Variants in ATG10 observed in about 807,000 individuals in gnomAD.
ATG10 encodes autophagy related 10, also known as ubiquitin-like-conjugating enzyme ATG10.
Under a neutral mutation model 32.1 loss-of-function variants are expected in ATG10, and 30 were observed. That is an observed-to-expected ratio of 0.94 (90% confidence interval 0.70 to 1.27). The LOEUF (loss-of-function observed/expected upper bound fraction) is 1.27. Among genes scored for constraint, ATG10 ranks in the 50% most tolerant of loss-of-function variants. ATG10 has a pLI of 0.00. For synonymous variants in ATG10, 87 were observed against 91.5 expected (o/e 0.95, Z 0.28); for missense variants, 233 against 262.3 (o/e 0.89, Z 0.77).
At chr5:82,151,996 C>G (rs1220145172) in intron 3 of ATG10, among the ~76,000 whole-genome samples, 2 of 152,124 alleles carry the variant, frequency 1.3e-5, no homozygotes, top group East Asian at 3.8e-4. Flanking sequence ...AGACCTGAAC[C>G]CAGATGTTTG....
At chr5:82,072,006 GAAGT>G (rs1764146205) in intron 3 of ATG10, among the ~76,000 whole-genome samples, 1 of 152,150 alleles carries the variant, frequency 6.6e-6, no homozygotes, top group African/African-American at 2.4e-5. Context: ...AAGTTAGGCA[GAAGT>G]AAGACTGCAG....
chr5:82,205,770 C>T (rs1745264110), intron 5 of ATG10, among the ~76,000 whole-genome samples: 1 of 152,112 alleles, frequency 6.6e-6, no homozygotes, highest in African/African-American at 2.4e-5. Context: ...GGAAGCTACG[C>T]TTGAGATAGG....
chr5:82,212,491 TACAA>T (rs1745531789), intron 5 of ATG10, among the ~76,000 whole-genome samples: 1 of 152,296 alleles, frequency 6.6e-6, no homozygotes, highest in African/African-American at 2.4e-5. Flanking sequence ...CACAGACAAG[TACAA>T]ACAAGTATCT....
chr5:82,247,402 T>C (rs112326920), intron 5 of ATG10, among the ~76,000 whole-genome samples: 4 of 152,330 alleles, frequency 2.6e-5, no homozygotes, highest in African/African-American at 9.6e-5. Flanking sequence ...TCTACTGCTG[T>C]CTCATATTTA....
chr5:82,150,546 T>A (rs1767552137), intron 3 of ATG10, among the ~76,000 whole-genome samples: 1 of 152,218 alleles, frequency 6.6e-6, no homozygotes, highest in Admixed American at 6.5e-5. Context: ...AGTAGTCCAA[T>A]GCCCAGGCTT....
chr5:82,138,472 T>C (rs1766864039), intron 3 of ATG10, among the ~76,000 whole-genome samples: 2 of 152,190 alleles, frequency 1.3e-5, no homozygotes, highest in South Asian at 4.1e-4. Flanking sequence ...TTTCCTTGGC[T>C]AGGGGAGTGA....
intron 3 of ATG10, among the ~76,000 whole-genome samples, chr5:82,067,904 AAAGT>A (rs1165005219): frequency 6.6e-6 from 1 of 152,102 alleles, no homozygotes; most frequent in African/African-American, 2.4e-5. Context: ...TTAAAAATCA[AAAGT>A]AAGATCATTT....
chr5:81,973,970 G>A (rs1760802227), intron 1 of ATG10, among the ~76,000 whole-genome samples: 1 of 152,140 alleles, frequency 6.6e-6, no homozygotes, highest in Admixed American at 6.5e-5. Flanking sequence ...TGAGATTTTG[G>A]TACATGGTGG....
intron 3 of ATG10, among the ~76,000 whole-genome samples, chr5:82,084,922 A>G (rs1764616534): frequency 6.6e-6 from 1 of 152,216 alleles, no homozygotes; most frequent in South Asian, 2.1e-4. Context: ...AACTGCATCA[A>G]CTAACGAGCA....
chr5:82,077,860 A>T (rs932186272), intron 3 of ATG10, among the ~76,000 whole-genome samples: 1 of 152,120 alleles, frequency 6.6e-6, no homozygotes, highest in Non-Finnish European at 1.5e-5. Flanking sequence ...TAGATTTTGC[A>T]CTTGTCTGGA....
At chr5:82,035,065 C>A (rs1434585670) in intron 2 of ATG10, among the ~76,000 whole-genome samples, 1 of 152,060 alleles carries the variant, frequency 6.6e-6, no homozygotes, top group East Asian at 1.9e-4. Flanking sequence ...GCATCTGCCA[C>A]CATGCCTGAC....
chr5:82,140,634 G>A (rs1293951871), intron 3 of ATG10, among the ~76,000 whole-genome samples: 2 of 55,940 alleles, frequency 3.6e-5, no homozygotes, highest in African/African-American at 1.3e-4. Context: ...CAGCCGCCCC[G>A]TCCGGGAGGT....
At chr5:82,174,316 C>G (rs1259747158) in intron 4 of ATG10, among the ~76,000 whole-genome samples, 1 of 152,136 alleles carries the variant, frequency 6.6e-6, no homozygotes, top group East Asian at 1.9e-4. Flanking sequence ...TTTACCCAGA[C>G]CTTTTACAGT....
chr5:82,061,809 C>T (rs1763786281), intron 3 of ATG10, among the ~76,000 whole-genome samples: 1 of 134,534 alleles, frequency 7.4e-6, no homozygotes, highest in South Asian at 2.4e-4. Context: ...CATACATATA[C>T]ACACATACCT....
intron 3 of ATG10, chr5:82,073,160 A>G (rs1185990515): frequency 6.6e-6 from 1 of 152,216 alleles, no homozygotes; most frequent in African/African-American, 2.4e-5. Flanking sequence ...ATAATAAGAA[A>G]TACATTTTAC....
At chr5:82,097,309 G>A (rs1340157890) in intron 3 of ATG10, among the ~76,000 whole-genome samples, 1 of 152,012 alleles carries the variant, frequency 6.6e-6, no homozygotes, top group Non-Finnish European at 1.5e-5. Flanking sequence ...AAGATCAAAG[G>A]TCACAGAATT....
intron 2 of ATG10, among the ~76,000 whole-genome samples, chr5:82,045,380 C>T (rs1184252223): frequency 6.6e-6 from 1 of 151,850 alleles, no homozygotes; most frequent in Non-Finnish European, 1.5e-5. Flanking sequence ...CAGTTTTCAA[C>T]CTTAAAATTA....
chr5:82,041,600 A>C (rs79938809), intron 2 of ATG10, among the ~76,000 whole-genome samples: 4,561 of 152,274 alleles, frequency 0.03, 98 homozygotes, highest in Middle Eastern at 0.051. Flanking sequence ...ATCTAAACAT[A>C]TAGTATGTAA....
At chr5:82,118,320 A>G (rs918748183) in intron 3 of ATG10, among the ~76,000 whole-genome samples, 1 of 145,192 alleles carries the variant, frequency 6.9e-6, no homozygotes, top group Non-Finnish European at 1.5e-5. Context: ...GTGTGTGTAT[A>G]TATATATACA....
Sources: gnomAD v4.1 joint callset for allele counts (sites outside exome capture counted in the v4.1 genomes callset) on GRCh38, gnomAD v4.1.1 for gene constraint, MANE v1.5 for transcripts, NCBI Gene and HGNC (gene_info 2026-07-23, HGNC 2026-07-21) for gene names.